CSMD1: variants seen among roughly 807,000 people sequenced by gnomAD.
The protein encoded by CSMD1 is CUB and sushi domain-containing protein 1.
Under a neutral mutation model 417.5 loss-of-function variants are expected in CSMD1, and 213 were observed. The observed-to-expected ratio is 0.51, with a 90% confidence interval of 0.46 to 0.57. CSMD1 has a LOEUF of 0.57. Among genes scored for constraint, CSMD1 ranks in the 20% least tolerant of loss-of-function variants. The probability of loss-of-function intolerance (pLI) is 0.00; values close to 1 mark genes in which losing one functional copy is unlikely to be tolerated. For synonymous variants in CSMD1, 2,862 were observed against 1,736.8 expected (o/e 1.65, Z -16.11); for missense variants, 6,923 against 4,529.7 (o/e 1.53, Z -15.17).
intron 11 of CSMD1, among the ~76,000 whole-genome samples, chr8:3,491,257 A>T (rs1563088512): frequency 6.6e-6 from 1 of 152,160 alleles, no homozygotes; most frequent in African/African-American, 2.4e-5. Context: ...CTGAGTTGGA[A>T]TCCCTGCCTC....
At chr8:4,670,947 A>T (rs1805280809) in intron 1 of CSMD1, among the ~76,000 whole-genome samples, 1 of 152,236 alleles carries the variant, frequency 6.6e-6, no homozygotes, top group African/African-American at 2.4e-5. Context: ...TATAACAAAC[A>T]GTCATATGAC....
At chr8:4,318,629 C>T (rs1421048905) in intron 3 of CSMD1, among the ~76,000 whole-genome samples, 1 of 147,708 alleles carries the variant, frequency 6.8e-6, no homozygotes, top group Non-Finnish European at 1.5e-5. Context: ...TTAAAAGTGA[C>T]ACACCTTCTA....
intron 3 of CSMD1, among the ~76,000 whole-genome samples, chr8:4,291,420 C>G (rs1220656952): frequency 6.6e-6 from 1 of 152,006 alleles, no homozygotes; most frequent in Non-Finnish European, 1.5e-5. Flanking sequence ...TAAAATACAA[C>G]CTCCAAAGCA....
intron 3 of CSMD1, among the ~76,000 whole-genome samples, chr8:4,064,070 G>C (rs1019183152): frequency 6.6e-6 from 1 of 152,200 alleles, no homozygotes; most frequent in South Asian, 2.1e-4. Context: ...AGTGCGCAGT[G>C]TGAAGCCCAT....
rs574242552 is a variant in CSMD1 at position 4,657,714 on chromosome 8, A to G, written c.86-20156T>C. ...AAAAGAAAATATGACCCACTCACAA[A>G]AGAAATGAAAAAAAAAAAAACTCTC... On this transcript the variant is annotated intron_variant, in intron 1 of 69. Coordinates refer to ENST00000635120, the MANE Select transcript of CSMD1 (RefSeq NM_033225.6). 1.9e-4 allele frequency among the ~76,000 whole-genome samples: 28 copies of G among 150,834 alleles called. No homozygotes were observed. In the South Asian group the frequency reaches 5.6e-3, roughly 30 times the overall value.
At chr8:4,496,201 C>T (rs777614627) in intron 2 of CSMD1, among the ~76,000 whole-genome samples, 50 of 152,172 alleles carry the variant, frequency 3.3e-4, no homozygotes, top group Non-Finnish European at 5.9e-4. Context: ...GTTTATCCTG[C>T]TCATTTTCAC....
intron 26 of CSMD1, among the ~76,000 whole-genome samples, chr8:3,242,874 G>A (rs1410335783): frequency 2.0e-5 from 3 of 152,034 alleles, no homozygotes; most frequent in Non-Finnish European, 4.4e-5. Context: ...TCGGGGTACA[G>A]AGATAAGAGG....
chr8:4,351,578 T>G (rs923654393), intron 3 of CSMD1, among the ~76,000 whole-genome samples: 3 of 152,174 alleles, frequency 2.0e-5, no homozygotes, highest in Non-Finnish European at 1.5e-5. Context: ...AATGCATGTT[T>G]TATGCAAAAA....
In CSMD1 at chr8:3,077,705, T is replaced by G. The variant is rs555379158; in HGVS notation, c.7474+9392A>C. 6.0e-4 allele frequency among the ~76,000 whole-genome samples: 92 copies of G among 152,354 alleles called. 2 individuals are homozygous for G. The South Asian group carries it at 0.018, about 31-fold the overall frequency. ...ACCCACTGCAGCCCCGACCCCGGCT[T>G]GCCTACACATTTTCCCCCAGAGCTG... is the stretch of plus-strand genomic sequence containing the variant. On this transcript the variant is annotated intron_variant, in intron 49 of 69. Coordinates refer to ENST00000635120, the MANE Select transcript of CSMD1 (RefSeq NM_033225.6).
chr8:3,258,318 C>T (rs566032966), intron 26 of CSMD1, among the ~76,000 whole-genome samples: 2 of 152,256 alleles, frequency 1.3e-5, no homozygotes, highest in East Asian at 3.9e-4. Flanking sequence ...AGAAGACATA[C>T]ATGTTGCCAA....
intron 2 of CSMD1, among the ~76,000 whole-genome samples, chr8:4,431,257 G>A (rs112141087): frequency 0.028 from 4,226 of 152,130 alleles, 207 homozygotes; most frequent in African/African-American, 0.095. Context: ...GCTCAAAGAT[G>A]TTAAATAATA....
At chr8:3,035,696 C>G (rs1048192097) in intron 50 of CSMD1, among the ~76,000 whole-genome samples, 2 of 152,102 alleles carry the variant, frequency 1.3e-5, no homozygotes, top group Non-Finnish European at 2.9e-5. Context: ...CTAATATAAA[C>G]TTTATAAATC....
chr8:4,582,446 C>A (rs199872752), intron 2 of CSMD1, among the ~76,000 whole-genome samples: 1 of 152,164 alleles, frequency 6.6e-6, no homozygotes, highest in Non-Finnish European at 1.5e-5. Context: ...AAAGAAAACA[C>A]AGAGTGGTGA....
intron 37 of CSMD1, among the ~76,000 whole-genome samples, chr8:3,174,888 TA>T (rs1297266681): frequency 1.3e-5 from 2 of 152,180 alleles, no homozygotes; most frequent in East Asian, 3.9e-4. Context: ...AAAATCTAGA[TA>T]TTCTTATTTT....
chr8:4,466,177 G>T (rs1327425684), intron 2 of CSMD1, among the ~76,000 whole-genome samples: 1 of 152,114 alleles, frequency 6.6e-6, no homozygotes. Flanking sequence ...GGTCTTAAGA[G>T]CTGTTTAAGA....
chr8:3,148,820 C>T (rs1035433756), intron 40 of CSMD1, among the ~76,000 whole-genome samples: 3 of 152,220 alleles, frequency 2.0e-5, no homozygotes, highest in Admixed American at 2.0e-4. Flanking sequence ...CAATTTCTCA[C>T]TTCGTATCTA....
intron 2 of CSMD1, among the ~76,000 whole-genome samples, chr8:4,587,529 A>C (rs1799769142): frequency 6.6e-6 from 1 of 152,064 alleles, no homozygotes; most frequent in South Asian, 2.1e-4. Context: ...CTCCTTGTCC[A>C]AGTGTCTAAC....
At chr8:3,941,918 G>T (rs556732639) in intron 5 of CSMD1, among the ~76,000 whole-genome samples, 1 of 152,222 alleles carries the variant, frequency 6.6e-6, no homozygotes, top group East Asian at 1.9e-4. Flanking sequence ...ACAGCAGGAG[G>T]TGAGCAGTGG....
At position 4,892,857 on chromosome 8, in the gene CSMD1, A is replaced by C. The variant is rs150618022; in HGVS notation, c.85+101475T>G. Among the ~76,000 whole-genome samples, 977 of 152,240 alleles carry C rather than the reference A, an allele frequency of 6.4e-3. 10 individuals are homozygous for C. Among genetic ancestry groups the C allele is most frequent in the African/African-American group, 0.023 (947 of 41,508 alleles). On this transcript the variant is annotated intron_variant, in intron 1 of 69. Coordinates refer to ENST00000635120, the MANE Select transcript of CSMD1 (RefSeq NM_033225.6). ...TAAACACACCTTAATTTATTTAACA[A>C]TATTCTTACTAAGAGGCATTAGACT...
Sources: allele counts gnomAD v4.1 joint callset (sites outside exome capture counted in the v4.1 genomes callset), GRCh38; gene constraint gnomAD v4.1.1; transcripts MANE v1.5; gene names NCBI Gene and HGNC (gene_info 2026-07-23, HGNC 2026-07-21).